Variants in CCDC60 observed in about 807,000 individuals in gnomAD.
CCDC60 encodes the protein coiled-coil domain-containing protein 60.
A neutral mutation model predicts 63.5 loss-of-function variants in CCDC60; 54 were observed. The ratio of observed to expected loss-of-function variants is 0.85; its 90% CI spans 0.68 to 1.07. The LOEUF is 1.07. CCDC60 is among the 50% of genes least tolerant of loss of function. CCDC60 has a pLI of 0.00. For missense variants in CCDC60, 651 were observed against 684.3 expected (o/e 0.95, Z 0.54); for synonymous variants, 206 against 238.8 (o/e 0.86, Z 1.27).
chr12:119,447,536 CT>C (rs1950563495), intron 2 of CCDC60, among the ~76,000 whole-genome samples: 1 of 152,176 alleles, frequency 6.6e-6, no homozygotes, highest in African/African-American at 2.4e-5. Flanking sequence ...AAAAGCCTCT[CT>C]CCCTGCTAAT....
rs1452050210 is a variant in CCDC60 at position 119,519,465 on chromosome 12, A to AT, written c.969-655dup. ...TGTGTGTGTGTGTATATATATATAT[A>AT]TATTTTTTTTTTTTTTTGACAGAGT... is the stretch of plus-strand genomic sequence containing the variant. On this transcript the variant is annotated intron_variant, in intron 8 of 13. Transcript: ENST00000327554. 9.0e-4 allele frequency among the ~76,000 whole-genome samples: 110 copies of AT among 122,254 alleles called. 2 individuals are homozygous for AT. Among genetic ancestry groups the AT allele is most frequent in the Middle Eastern group, 4.1e-3 (1 of 242 alleles). 80.2% of individuals were successfully genotyped at this position (122,254 alleles called of 152,430 possible).
chr12:119,537,408 T>G (rs928386827), intron 13 of CCDC60, among the ~76,000 whole-genome samples: 1 of 152,260 alleles, frequency 6.6e-6, no homozygotes, highest in African/African-American at 2.4e-5. Flanking sequence ...GAAGCCTACT[T>G]CTGTCAGCTC....
intron 1 of CCDC60, among the ~76,000 whole-genome samples, chr12:119,335,912 C>G (rs1404496799): frequency 5.9e-5 from 9 of 151,910 alleles, no homozygotes; most frequent in African/African-American, 2.2e-4. Context: ...AGGTTTTCTT[C>G]TAGGGTTTTT....
chr12:119,457,831 T>C (rs1055124746), intron 2 of CCDC60, among the ~76,000 whole-genome samples: 23 of 152,234 alleles, frequency 1.5e-4, no homozygotes, highest in African/African-American at 5.3e-4. Context: ...AAATTTCATC[T>C]CAATTGCATT....
chr12:119,444,035 C>G (rs1950494327), intron 2 of CCDC60, among the ~76,000 whole-genome samples: 1 of 152,226 alleles, frequency 6.6e-6, no homozygotes, highest in South Asian at 2.1e-4. Context: ...CATCAGGACT[C>G]TGTCCACTCT....
rs77318681 is a variant in CCDC60 at position 119,456,060 on chromosome 12, AAAGCAAGC to A, written c.171-15928_171-15921del. 0.14 allele frequency among the ~76,000 whole-genome samples: 16,229 copies of A among 118,628 alleles called. 1,516 individuals are homozygous for A. The highest frequency in any genetic ancestry group is 0.24 in the South Asian group (792 of 3,258). 77.8% of individuals were successfully genotyped at this position (118,628 alleles called of 152,430 possible). ...GAAAGAAAGAAAGAAAGAAAGAAAG[AAAGCAAGC>A]AAGCATGTGCAATTTCAAGGGGGTA... On this transcript the variant is annotated intron_variant, in intron 2 of 13. Transcript: ENST00000327554. This position sits in a 1 kb window ranked among gnomAD's most constrained non-coding sequence, Gnocchi z 4.6.
At chr12:119,481,598 CT>C (rs141610170) in intron 4 of CCDC60, among the ~76,000 whole-genome samples, 17 of 151,414 alleles carry the variant, frequency 1.1e-4, no homozygotes, top group East Asian at 3.9e-4. Context: ...CAACAGGAAT[CT>C]TTTTTTTTAA....
At chr12:119,343,540 G>T (rs1000858484) in intron 1 of CCDC60, among the ~76,000 whole-genome samples, 2 of 152,000 alleles carry the variant, frequency 1.3e-5, no homozygotes, top group African/African-American at 4.8e-5. Flanking sequence ...TGTTTTGAGG[G>T]CGCTAAAATG....
intron 2 of CCDC60, among the ~76,000 whole-genome samples, chr12:119,447,553 T>C (rs1277798615): frequency 1.3e-5 from 2 of 152,186 alleles, no homozygotes; most frequent in Non-Finnish European, 2.9e-5. Context: ...CTAATGCATT[T>C]TTCTATATCC....
intron 1 of CCDC60, among the ~76,000 whole-genome samples, chr12:119,400,219 T>C (rs1593031921): frequency 6.6e-6 from 1 of 152,226 alleles, no homozygotes; most frequent in East Asian, 1.9e-4. Flanking sequence ...CCGGCTAATT[T>C]TTTGTATTTT....
chr12:119,477,605 T>C (rs1251730237), intron 3 of CCDC60, among the ~76,000 whole-genome samples: 4 of 152,200 alleles, frequency 2.6e-5, no homozygotes. Context: ...AGGGAACCTG[T>C]CAATGATCCA....
intron 1 of CCDC60, among the ~76,000 whole-genome samples, chr12:119,412,671 C>T (rs1445171607): frequency 6.6e-6 from 1 of 152,028 alleles, no homozygotes; most frequent in African/African-American, 2.4e-5. Context: ...CTCTGGGTCT[C>T]GGTTCTCTTA....
chr12:119,407,367 A>AGAAAG (rs1956513109), intron 1 of CCDC60, among the ~76,000 whole-genome samples: 2 of 151,998 alleles, frequency 1.3e-5, no homozygotes, highest in Non-Finnish European at 2.9e-5. Context: ...AGAAAAGAAA[A>AGAAAG]GAAAAAGAAA....
intron 8 of CCDC60, 28 bp from the exon 9 acceptor site, chr12:119,520,093 T>C: frequency 6.2e-7 from 1 of 1,604,186 alleles, no homozygotes; most frequent in Non-Finnish European, 8.5e-7. Context: ...ATTCAGCGCC[T>C]TGTTAAAGGA....
chr12:119,392,062 A>G (rs1311376153), intron 1 of CCDC60, among the ~76,000 whole-genome samples: 2 of 152,234 alleles, frequency 1.3e-5, no homozygotes, highest in African/African-American at 4.8e-5. Context: ...CCCCTCAATC[A>G]TAAGTAACAT....
chr12:119,365,247 T>C (rs1955829489), intron 1 of CCDC60, among the ~76,000 whole-genome samples: 1 of 152,116 alleles, frequency 6.6e-6, no homozygotes, highest in African/African-American at 2.4e-5. Context: ...CTGGTTAGAC[T>C]GATTGCAAAG....
chr12:119,482,006 AG>A (rs1299629617), intron 4 of CCDC60, among the ~76,000 whole-genome samples: 1 of 80,040 alleles, frequency 1.2e-5, no homozygotes. Flanking sequence ...ATGTATATAT[AG>A]TATATATATA....
intron 1 of CCDC60, among the ~76,000 whole-genome samples, chr12:119,407,722 C>T (rs1017507354): frequency 5.3e-5 from 8 of 152,172 alleles, no homozygotes; most frequent in Admixed American, 2.0e-4. Context: ...AGTCACTCTG[C>T]CCCTCCATGC....
intron 2 of CCDC60, among the ~76,000 whole-genome samples, chr12:119,464,460 T>C (rs571491909): frequency 6.6e-6 from 1 of 151,858 alleles, no homozygotes; most frequent in East Asian, 1.9e-4. Context: ...GAAGAACCTT[T>C]CTGTCAAACA....
Sources: gnomAD v4.1 joint callset for allele counts (sites outside exome capture counted in the v4.1 genomes callset) on GRCh38, gnomAD v4.1.1 for gene constraint, Gnocchi (gnomAD v3.1) non-coding constraint, MANE v1.5 for transcripts, NCBI Gene and HGNC (gene_info 2026-07-23, HGNC 2026-07-21) for gene names.